Variants in NOS1 observed in about 807,000 individuals in gnomAD.
The protein encoded by NOS1 is NOS type I.
In NOS1, 51 loss-of-function variants were observed where a neutral mutation model predicts 164.5. The ratio of observed to expected loss-of-function variants is 0.31; its 90% CI spans 0.25 to 0.39. The LOEUF (loss-of-function observed/expected upper bound fraction) is 0.39, where lower values mean the gene tolerates loss of function less well. Among genes scored for constraint, NOS1 ranks in the 10% least tolerant of loss-of-function variants. The probability of loss-of-function intolerance (pLI) is 1.00; values close to 1 mark genes in which losing one functional copy is unlikely to be tolerated. For synonymous variants in NOS1, 719 were observed against 745.8 expected (o/e 0.96, Z 0.59); for missense variants, 1,362 against 1,885.6 (o/e 0.72, Z 5.14).
chr12:117,350,895 C>T (rs1876582967), intron 1 of NOS1, among the ~76,000 whole-genome samples: 3 of 152,120 alleles, frequency 2.0e-5, no homozygotes, highest in Admixed American at 2.0e-4. Flanking sequence ...GGGCGGATCA[C>T]GAGGTCAGGA....
intron 3 of NOS1, among the ~76,000 whole-genome samples, chr12:117,308,937 T>C (rs919371229): frequency 2.0e-5 from 3 of 152,188 alleles, no homozygotes; most frequent in South Asian, 2.1e-4. Flanking sequence ...GATATATTTA[T>C]GTAAAAATTT....
At chr12:117,220,518 C>T (rs547858440) in intron 26 of NOS1, among the ~76,000 whole-genome samples, 1 of 152,320 alleles carries the variant, frequency 6.6e-6, no homozygotes, top group Admixed American at 6.5e-5. Context: ...CTGCTAAGGA[C>T]CCTCCAGGGA....
chr12:117,235,120 GT>G (rs955900676), intron 20 of NOS1, among the ~76,000 whole-genome samples: 1 of 152,002 alleles, frequency 6.6e-6, no homozygotes, highest in African/African-American at 2.4e-5. Flanking sequence ...ATTTCCCTAT[GT>G]GGCCCAGGCT....
intron 2 of NOS1, among the ~76,000 whole-genome samples, chr12:117,312,831 A>T (rs1874499301): frequency 1.3e-5 from 2 of 152,044 alleles, no homozygotes; most frequent in Non-Finnish European, 2.9e-5. Flanking sequence ...CACTCATCAC[A>T]TCCATTCTAA....
At position 117,215,337 on chromosome 12, in the gene NOS1, A is replaced by G; in HGVS notation, c.4290-13T>C. ...GGAGCTGAAAACCCTGTGGAAAGAG[A>G]AGTTGGGGGGCAGTTAGTGCCCCAA... On this transcript the variant is annotated splice_polypyrimidine_tract_variant and intron_variant, in intron 28 of 28. Transcript: ENST00000317775. 1 of 1,533,832 alleles carries G rather than the reference A, an allele frequency of 6.5e-7. No individual in the cohort carries two copies. The highest frequency in any genetic ancestry group is 8.8e-7 in the Non-Finnish European group (1 of 1,138,902).
intron 17 of NOS1, 33 bp from the exon 18 acceptor site, chr12:117,247,555 G>A (rs1400625187): frequency 6.4e-7 from 1 of 1,572,094 alleles, no homozygotes; most frequent in South Asian, 1.2e-5. Context: ...TTCATGCTAA[G>A]GGACTGTGGG....
At chr12:117,224,481 T>C (rs180876669) in intron 25 of NOS1, among the ~76,000 whole-genome samples, 35 of 152,222 alleles carry the variant, frequency 2.3e-4, no homozygotes, top group African/African-American at 7.7e-4. Context: ...AAGACAGGGT[T>C]TCACCGTGCT....
chr12:117,323,763 T>C (rs1378202801), intron 2 of NOS1, among the ~76,000 whole-genome samples: 1 of 152,104 alleles, frequency 6.6e-6, no homozygotes, highest in Non-Finnish European at 1.5e-5. Context: ...TCTTGCCTAG[T>C]GTCCCTTTAA....
At chr12:117,328,570 T>C (rs1875370792) in intron 2 of NOS1, among the ~76,000 whole-genome samples, 2 of 152,060 alleles carry the variant, frequency 1.3e-5, no homozygotes, top group African/African-American at 4.8e-5. Context: ...TTTGTTCCTT[T>C]TTTTTTGAGA....
intron 26 of NOS1, 74 bp downstream of exon 26, chr12:117,222,641 G>A: frequency 7.2e-7 from 1 of 1,388,950 alleles, no homozygotes; most frequent in East Asian, 2.3e-5. Flanking sequence ...TGAGGGTGAG[G>A]GGTTTCTGAG....
In NOS1 at chr12:117,253,936, G is replaced by T. The variant is rs558371228; in HGVS notation, c.2532-182C>A. On this transcript the variant is annotated intron_variant, in intron 16 of 28. Transcript: ENST00000317775. ...CCAACTTACCCTTGTCCACCACAGT[G>T]GTAACTGTTCATCTGCACTTGGTCT... Among the ~76,000 whole-genome samples, 4 of 152,164 alleles carry T rather than the reference G, an allele frequency of 2.6e-5. No homozygotes were observed. In the East Asian group the frequency reaches 7.7e-4, roughly 29 times the overall value.
At chr12:117,230,587 T>C (rs1425050644) in intron 22 of NOS1, among the ~76,000 whole-genome samples, 2 of 152,192 alleles carry the variant, frequency 1.3e-5, no homozygotes, top group African/African-American at 4.8e-5. Flanking sequence ...TGCTGGGGGC[T>C]TGCTCACTGG....
chr12:117,271,526 G>A (rs780598994), intron 10 of NOS1, among the ~76,000 whole-genome samples: 3 of 152,080 alleles, frequency 2.0e-5, no homozygotes, highest in Non-Finnish European at 2.9e-5. Flanking sequence ...AGCCTGCCTC[G>A]GCCTCCCAAA....
At chr12:117,222,316 C>T (rs1185532755) in intron 26 of NOS1, among the ~76,000 whole-genome samples, 4 of 152,134 alleles carry the variant, frequency 2.6e-5, no homozygotes, top group South Asian at 2.1e-4. Flanking sequence ...AGGGCAGTGG[C>T]GCGATCTCAG....
chr12:117,326,944 G>C (rs1270542768), intron 2 of NOS1, among the ~76,000 whole-genome samples: 1 of 152,152 alleles, frequency 6.6e-6, no homozygotes, highest in Non-Finnish European at 1.5e-5. Flanking sequence ...CTCCCTGGAG[G>C]GGAAGGACCC....
chr12:117,349,128 T>C (rs952406422), intron 1 of NOS1, among the ~76,000 whole-genome samples: 1 of 152,266 alleles, frequency 6.6e-6, no homozygotes, highest in Admixed American at 6.5e-5. Context: ...CCTTTTCCCT[T>C]CTCCTCGCCC....
At chr12:117,273,340 C>T (rs1479140408) in intron 9 of NOS1, among the ~76,000 whole-genome samples, 5 of 152,130 alleles carry the variant, frequency 3.3e-5, no homozygotes, top group Admixed American at 3.3e-4. Flanking sequence ...TAAATATAGG[C>T]TACATTTCAC....
Position 117,209,234 on chromosome 12 carries a change from G to T in NOS1, c.*6075C>A, listed in dbSNP as rs1956491535. ...CAAGAGAGGGGTGTTGCCCCCTGGGGACATTGGGCAATGTCTGATGACATA... is the reference window on the plus strand; with the variant it reads ...CAAGAGAGGGGTGTTGCCCCCTGGGTACATTGGGCAATGTCTGATGACATA... On this transcript the variant is annotated 3_prime_UTR_variant, in exon 29 of 29. Transcript: ENST00000317775. 2 of 983,436 alleles carry T rather than the reference G, an allele frequency of 2.0e-6. No individual in the cohort carries two copies. Among genetic ancestry groups the T allele is most frequent in the Non-Finnish European group, 2.4e-6 (2 of 828,112 alleles). The allele number at this position is 983,436 out of a possible 1,614,324, so 60.9% of individuals were successfully genotyped here.
chr12:117,264,119 T>A, intron 12 of NOS1, 145 bp from the exon 13 acceptor site: 1 of 68,838 alleles, frequency 1.5e-5, no homozygotes, highest in South Asian at 2.1e-4. Context: ...GTGACCACCA[T>A]GGGGGAAGGG....
Sources: gnomAD v4.1 joint callset for allele counts (sites outside exome capture counted in the v4.1 genomes callset) on GRCh38, gnomAD v4.1.1 for gene constraint, MANE v1.5 for transcripts, NCBI Gene and HGNC (gene_info 2026-07-23, HGNC 2026-07-21) for gene names.